SLC36A1: variants seen among roughly 807,000 people sequenced by gnomAD.
The protein encoded by SLC36A1 is solute carrier family 36 member 1, also known as proton-coupled amino acid transporter 1.
A neutral mutation model predicts 47.5 loss-of-function variants in SLC36A1; 30 were observed. The observed-to-expected ratio is 0.63, with a 90% CI of 0.47 to 0.86. The LOEUF is 0.86. Among genes scored for constraint, SLC36A1 ranks in the 40% least tolerant of loss-of-function variants. The pLI is 0.00. For synonymous variants in SLC36A1, 255 were observed against 249.7 expected (o/e 1.02, Z -0.20); for missense variants, 517 against 606.0 (o/e 0.85, Z 1.54).
chr5:151,537,796 T>C, the SLC36A1 span: 10 of 1,609,934 alleles, frequency 6.2e-6, no homozygotes, highest in African/African-American at 1.3e-4. Flanking sequence ...AACCCACCTG[T>C]ATGAGGATCC....
the SLC36A1 span, among the ~76,000 whole-genome samples, chr5:151,537,014 C>G: frequency 1.3e-5 from 2 of 152,170 alleles, no homozygotes; most frequent in African/African-American, 4.8e-5. Context: ...TCTCTTACCC[C>G]TGGCTAACAC....
At chr5:151,554,792 T>C in the SLC36A1 span, 1 of 789,558 alleles carries the variant, frequency 1.3e-6, no homozygotes, top group East Asian at 2.6e-5. Context: ...CTTTTTATTA[T>C]CATAACTTCA....
At chr5:151,470,249 G>A (rs969078436) in intron 7 of SLC36A1, among the ~76,000 whole-genome samples, 1 of 152,144 alleles carries the variant, frequency 6.6e-6, no homozygotes, top group Admixed American at 6.5e-5. Context: ...CACTAAAGAT[G>A]AATTGAGTGA....
chr5:151,538,211 G>C, the SLC36A1 span, among the ~76,000 whole-genome samples: 1 of 152,290 alleles, frequency 6.6e-6, no homozygotes, highest in East Asian at 1.9e-4. Context: ...AAGAGAACGA[G>C]TCAGAAAAGA....
the SLC36A1 span, among the ~76,000 whole-genome samples, chr5:151,405,511 A>G: frequency 6.6e-6 from 1 of 151,874 alleles, no homozygotes; most frequent in Non-Finnish European, 1.5e-5. Context: ...ACTGCACCCA[A>G]CACCTCTTGA....
intron 8 of SLC36A1, among the ~76,000 whole-genome samples, chr5:151,475,527 C>G (rs1443779755): frequency 6.6e-6 from 1 of 152,196 alleles, no homozygotes; most frequent in Non-Finnish European, 1.5e-5. Flanking sequence ...ACCGTGTGCT[C>G]TGTGTTCATG....
the SLC36A1 span, chr5:151,545,354 T>C: frequency 2.5e-6 from 4 of 1,614,022 alleles, no homozygotes; most frequent in Non-Finnish European, 3.4e-6. Context: ...AGCACAGATA[T>C]GCTACCAGTG....
the SLC36A1 span, among the ~76,000 whole-genome samples, chr5:151,356,778 C>T: frequency 6.6e-6 from 1 of 152,208 alleles, no homozygotes; most frequent in Non-Finnish European, 1.5e-5. Flanking sequence ...CAGTGAAGAA[C>T]ATGCTACACA....
chr5:151,477,244 T>C (rs1430910036), intron 9 of SLC36A1, among the ~76,000 whole-genome samples: 2 of 152,164 alleles, frequency 1.3e-5, no homozygotes, highest in Admixed American at 1.3e-4. Flanking sequence ...CATTTTGAAA[T>C]GCTTCCTGAA....
chr5:151,381,399 C>T, the SLC36A1 span: 1 of 169,808 alleles, frequency 5.9e-6, no homozygotes, highest in Non-Finnish European at 1.2e-5. Context: ...AACCCCCAAG[C>T]CATCTTTGTT....
the SLC36A1 span, chr5:151,382,378 C>A: frequency 1.4e-6 from 1 of 723,842 alleles, no homozygotes. Context: ...ATCAAAGATG[C>A]CTTTTGATGA....
chr5:151,554,451 T>A, the SLC36A1 span: 1 of 1,614,236 alleles, frequency 6.2e-7, no homozygotes, highest in East Asian at 2.2e-5. Flanking sequence ...TCCTCATCGC[T>A]GTCCTCGATA....
At chr5:151,397,418 A>C in the SLC36A1 span, among the ~76,000 whole-genome samples, 6 of 152,290 alleles carry the variant, frequency 3.9e-5, no homozygotes, top group East Asian at 1.2e-3. Flanking sequence ...GCTGCTAGCC[A>C]CTCTATAGTG....
At chr5:151,549,158 G>A in the SLC36A1 span, 37 of 731,856 alleles carry the variant, frequency 5.1e-5, no homozygotes, top group Non-Finnish European at 7.4e-5. Context: ...TAGTCCCAGG[G>A]AATGCTCTAG....
At chr5:151,386,517 T>G in the SLC36A1 span, among the ~76,000 whole-genome samples, 1 of 152,176 alleles carries the variant, frequency 6.6e-6, no homozygotes, top group Non-Finnish European at 1.5e-5. Flanking sequence ...CATCTGTTGC[T>G]TTTAACACTC....
At chr5:151,350,469 G>A in the SLC36A1 span, among the ~76,000 whole-genome samples, 1,048 of 152,270 alleles carry the variant, frequency 6.9e-3, 10 homozygotes, top group African/African-American at 0.019. Flanking sequence ...TGACTAGGGC[G>A]TAGTAGGAAC....
the SLC36A1 span, among the ~76,000 whole-genome samples, chr5:151,430,146 G>T: frequency 6.6e-6 from 1 of 150,512 alleles, no homozygotes; most frequent in Non-Finnish European, 1.5e-5. Flanking sequence ...TCTGAGTCAG[G>T]CTAGAATTAG....
the SLC36A1 span, chr5:151,387,098 T>A: frequency 6.6e-6 from 1 of 152,282 alleles, no homozygotes; most frequent in Non-Finnish European, 1.5e-5. Context: ...AATGCCCAAG[T>A]CTACCATGAG....
the SLC36A1 span, among the ~76,000 whole-genome samples, chr5:151,385,037 T>TGTGTGTGTGTGA: frequency 2.9e-3 from 419 of 142,148 alleles, 2 homozygotes; most frequent in African/African-American, 9.7e-3. Context: ...TGTGTGTGTG[T>TGTGTGTGTGTGA]GAGAGAGAGA....
Sources: allele counts gnomAD v4.1 joint callset (sites outside exome capture counted in the v4.1 genomes callset), GRCh38; gene constraint gnomAD v4.1.1; transcripts MANE v1.5; gene names NCBI Gene and HGNC (gene_info 2026-07-23, HGNC 2026-07-21).